TSPOAP1: variants seen among roughly 807,000 people sequenced by gnomAD.
The protein encoded by TSPOAP1 is peripheral-type benzodiazepine receptor-associated protein 1.
Under a neutral mutation model 197.0 loss-of-function variants are expected in TSPOAP1, and 87 were observed. That is an observed-to-expected ratio of 0.44 (90% confidence interval 0.37 to 0.53). The LOEUF (loss-of-function observed/expected upper bound fraction) is 0.53, where lower values mean the gene tolerates loss of function less well. TSPOAP1 is among the 20% of genes least tolerant of loss of function. TSPOAP1 has a pLI of 0.00. For missense variants in TSPOAP1, 2,174 were observed against 2,411.3 expected (o/e 0.90, Z 2.06); for synonymous variants, 913 against 998.9 (o/e 0.91, Z 1.62).
chr17:58,319,348 G>T, intron 12 of TSPOAP1, 54 bp from the exon 13 acceptor site: 1 of 1,516,258 alleles, frequency 6.6e-7, no homozygotes, highest in South Asian at 1.2e-5. Context: ...CCCAGTGCCA[G>T]CCCGTGCCAT....
chr17:58,308,075 G>A, intron 22 of TSPOAP1, 134 bp from the exon 23 acceptor site: 1 of 958,100 alleles, frequency 1.0e-6, no homozygotes, highest in Non-Finnish European at 1.5e-6. Flanking sequence ...CGGAGCCTCG[G>A]CCCAGCCTGC....
Position 58,308,891 on chromosome 17 carries a change from C to T in TSPOAP1, c.4381G>A (p.Gly1461Arg). The change falls in exon 22 of 32, where the codon GGA becomes AGA. Residue 1461 changes from glycine to arginine, a missense_variant. Around this residue, in one of 5 missense-constraint regions of TSPOAP1, gnomAD observed 1,933 missense variants for 2,139.0 expected, o/e 0.90. Transcript: ENST00000343736. Reference protein sequence around the residue: ...GLPVIEGPRTGLEASGRGRLG... With the variant: ...GLPVIEGPRTRLEASGRGRLG... Reference sequence around the variant, plus strand: ...CGGCCTCTCCCGCTAGCCTCTAGTCCAGTCCTGGGGCCCTCAATTACGGGG... The same window carrying T: ...CGGCCTCTCCCGCTAGCCTCTAGTCTAGTCCTGGGGCCCTCAATTACGGGG... 2 of 1,602,008 alleles carry T rather than the reference C, an allele frequency of 1.2e-6. No homozygotes were observed. The highest frequency in any genetic ancestry group is 1.7e-6 in the Non-Finnish European group (2 of 1,173,232).
chr17:58,322,386 C>T lies in TSPOAP1; in HGVS notation c.1344G>A (p.Arg448=), dbSNP rs1435208424. ...GTTCATGCTCCACCTCCAGCTGCTG[C>T]CGCCGCTGGGCCACCTCCCGCATGT... The part of the protein sequence containing the change: ...LKHMREVAQR[R]QQLEVEHEQA... Residue 448 remains arginine, a synonymous_variant, in exon 10 of 32, where the codon CGG becomes CGA. Coordinates refer to ENST00000343736, the MANE Select transcript of TSPOAP1 (RefSeq NM_004758.4). This position sits in a 1 kb window ranked among gnomAD's most constrained non-coding sequence, Gnocchi z 5.0. 6.2e-7 allele frequency: 1 copy of T among 1,606,470 alleles called. No individual in the cohort carries two copies.
Position 58,318,268 on chromosome 17 carries a change from C to T in TSPOAP1, c.1872+12G>A, listed in dbSNP as rs1195182390. 1.9e-6 allele frequency: 3 copies of T among 1,613,570 alleles called. No individual in the cohort carries two copies. The highest frequency in any genetic ancestry group is 2.2e-5 in the East Asian group (1 of 44,876). On this transcript the variant is annotated intron_variant, in intron 14 of 31. Coordinates refer to ENST00000343736, the MANE Select transcript of TSPOAP1 (RefSeq NM_004758.4). Reference sequence around the variant, plus strand: ...CCAAAGCCAGAACTTCAGGCCCCACCCCAGCAATTACCTCAGGTGTAGGGC... The same window carrying T: ...CCAAAGCCAGAACTTCAGGCCCCACTCCAGCAATTACCTCAGGTGTAGGGC...
Position 58,309,217 on chromosome 17 carries a change from C to A in TSPOAP1, c.4055G>T (p.Cys1352Phe). Residue 1352 changes from cysteine to phenylalanine, a missense_variant, in exon 22 of 32, where the codon TGT becomes TTT. Transcript: ENST00000343736. This position sits in a 1 kb window ranked among gnomAD's most constrained non-coding sequence, Gnocchi z 5.0. ...AGGCGGGCCAGGGTCTCGGGAAGAA[C>A]AGCCTGCCCCTGACTTCTCCTCCTC... is the stretch of plus-strand genomic sequence containing the variant. ...DEEEEKSGAGCSSRDPGPPEP... is the reference protein window; with the variant it reads ...DEEEEKSGAGFSSRDPGPPEP... 6.2e-7 allele frequency: 1 copy of A among 1,614,048 alleles called. No individual in the cohort carries two copies. The highest frequency in any genetic ancestry group is 8.5e-7 in the Non-Finnish European group (1 of 1,180,008).
chr17:58,312,796 A>C, intron 16 of TSPOAP1, 74 bp from the exon 17 acceptor site: 2 of 1,252,548 alleles, frequency 1.6e-6, no homozygotes, highest in Non-Finnish European at 2.2e-6. Context: ...GGTATAATAA[A>C]TGCATTTTAG....
chr17:58,316,591 G>C (rs374088467), intron 14 of TSPOAP1, 51 bp from the exon 15 acceptor site: 1 of 1,465,176 alleles, frequency 6.8e-7, no homozygotes, highest in Non-Finnish European at 9.3e-7. Flanking sequence ...GGGGCCAAGC[G>C]CCAAGCAGGC....
In TSPOAP1 at chr17:58,328,328, AG is replaced by A; in HGVS notation, c.-409del. 4.2e-6 allele frequency: 1 copy of A among 237,316 alleles called. No individual in the cohort carries two copies. Among genetic ancestry groups the A allele is most frequent in the Non-Finnish European group, 8.5e-6 (1 of 118,090 alleles). 14.7% of individuals were successfully genotyped at this position (237,316 alleles called of 1,614,324 possible). On this transcript the variant is annotated 5_prime_UTR_variant, in exon 1 of 32. Coordinates refer to ENST00000343736, the MANE Select transcript of TSPOAP1 (RefSeq NM_004758.4). This position sits in a 1 kb window ranked among gnomAD's most constrained non-coding sequence, Gnocchi z 4.3. ...TGGGTGCCCCCACTTCTGTGTGTTG[AG>A]GGGGGTGGTGCTGTGTGTCACTGTC...
intron 31 of TSPOAP1, chr17:58,303,900 G>T (rs570928998): frequency 8.3e-5 from 13 of 157,206 alleles, no homozygotes; most frequent in Admixed American, 6.3e-5. Flanking sequence ...CAATGCAGAG[G>T]ACAAGGGTGG....
Position 58,322,881 on chromosome 17 carries a change from G to T in TSPOAP1, c.1194+69C>A. On this transcript the variant is annotated intron_variant, in intron 8 of 31. Coordinates refer to ENST00000343736, the MANE Select transcript of TSPOAP1 (RefSeq NM_004758.4). The surrounding 1 kb of genome is among the most constrained non-coding windows in gnomAD (Gnocchi z 5.0). Reference sequence around the variant, plus strand: ...CCCCTGCTCAGGGGTGGAGGAGAAAGCCCCTTGGCTGGGGACCGGGGCAGT... The same window carrying T: ...CCCCTGCTCAGGGGTGGAGGAGAAATCCCCTTGGCTGGGGACCGGGGCAGT... The T allele has an allele frequency of 6.2e-7, 1 of 1,603,072 alleles. No homozygotes were observed. The highest frequency in any genetic ancestry group is 8.5e-7 in the Non-Finnish European group (1 of 1,173,470).
rs1179702404 is a variant in TSPOAP1, at chr17:58,312,005, G to A, written c.2816C>T (p.Thr939Ile). 3.1e-6 allele frequency: 5 copies of A among 1,613,328 alleles called. No homozygotes were observed. In the Admixed American group the frequency reaches 8.3e-5, roughly 27 times the overall value. Reference protein sequence around the residue: ...WATFCHLRPGTPYQAQVEAQL... With the variant: ...WATFCHLRPGIPYQAQVEAQL... ...AGCCTCCACTTGGGCCTGATAGGGT[G>A]TGCCAGGCCGTAAGTGGCAGAAGGT... The change falls in exon 17 of 32, where the codon ACA becomes ATA. Residue 939 changes from threonine to isoleucine, a missense_variant. Transcript: ENST00000343736.
At chr17:58,311,372 C>A in intron 18 of TSPOAP1, 159 bp from the exon 19 acceptor site, 1 of 1,263,410 alleles carries the variant, frequency 7.9e-7, no homozygotes, top group Non-Finnish European at 1.1e-6. Flanking sequence ...TTTCATCCTC[C>A]TGGCCATATG....
intron 7 of TSPOAP1, 101 bp from the exon 8 acceptor site, chr17:58,323,140 C>T (rs952706052): frequency 6.8e-7 from 1 of 1,464,384 alleles, no homozygotes; most frequent in African/African-American, 1.4e-5. Flanking sequence ...GCCTTCCTCC[C>T]CTGCTGGAAC....
rs1264146845 is a variant in TSPOAP1, at chr17:58,308,737, C to T, written c.4535G>A (p.Gly1512Glu). 6.2e-7 allele frequency: 1 copy of T among 1,612,914 alleles called. No individual in the cohort carries two copies. The highest frequency in any genetic ancestry group is 1.3e-5 in the African/African-American group (1 of 74,946). Reference sequence around the variant, plus strand: ...GCAGGAGCTGGTGATGCTGATGCCCCCGCTGCCCGCCTCCTGCTCATCCTC... The same window carrying T: ...GCAGGAGCTGGTGATGCTGATGCCCTCGCTGCCCGCCTCCTGCTCATCCTC... ...DSEDEQEAGS[G>E]GISITSSCYP... Residue 1512 changes from glycine to glutamate, a missense_variant, in exon 22 of 32, where the codon GGG becomes GAG. Physicochemically the swap from Gly to Glu is moderately conservative, Grantham distance 98. Coordinates refer to ENST00000343736, the MANE Select transcript of TSPOAP1 (RefSeq NM_004758.4).
chr17:58,316,171 C>T, intron 15 of TSPOAP1, 39 bp from the exon 16 acceptor site: 4 of 1,441,594 alleles, frequency 2.8e-6, no homozygotes, highest in Non-Finnish European at 3.9e-6. Flanking sequence ...GGAGAGTGAC[C>T]TACACTCCAC....
At position 58,307,715 on chromosome 17, in the gene TSPOAP1, C is replaced by T. The variant is rs199511069; in HGVS notation, c.4879G>A (p.Val1627Ile). Residue 1627 changes from valine to isoleucine, a missense_variant, in exon 24 of 32, where the codon GTC becomes ATC. Coordinates refer to ENST00000343736, the MANE Select transcript of TSPOAP1 (RefSeq NM_004758.4). ...TCAAACAGAGCCACAAAGATCCTGA[C>T]GGGTAGGTGCTGGTAAGCCAGTGTT... is the stretch of plus-strand genomic sequence containing the variant. ...SETLAYQHLPVRIFVALFDYD... is the reference protein window; with the variant it reads ...SETLAYQHLPIRIFVALFDYD... 59 of 1,614,182 alleles carry T rather than the reference C, an allele frequency of 3.7e-5. No homozygotes were observed. Among genetic ancestry groups the T allele is most frequent in the South Asian group, 9.9e-5 (9 of 91,084 alleles).
In TSPOAP1 at chr17:58,308,990, A is replaced by G; in HGVS notation, c.4282T>C (p.Cys1428Arg). ...RRRPPDPREH[C>R]SRLLSNNGPQ... ...CCATTGTTGCTGAGAAGTCGGCTGC[A>G]GTGTTCTCGGGGATCTGGAGGCCGC... Residue 1428 changes from cysteine to arginine, a missense_variant, in exon 22 of 32, where the codon TGC (cysteine) becomes CGC (arginine). Coordinates refer to ENST00000343736, the MANE Select transcript of TSPOAP1 (RefSeq NM_004758.4). 1 of 1,611,850 alleles carries G rather than the reference A, an allele frequency of 6.2e-7. No homozygotes were observed. Among genetic ancestry groups the G allele is most frequent in the South Asian group, 1.1e-5 (1 of 91,016 alleles).
In TSPOAP1 at chr17:58,312,675, C is replaced by T. The variant is rs1163506922; in HGVS notation, c.2146G>A (p.Glu716Lys). ...AGGAGGTCATCATCCGACACACGCT[C>T]TACAAAATTGGAAGGGACCAGGCCC... ...RRGLVPSNFV[E>K]RVSDDDLLTS... The change falls in exon 17 of 32, where the codon GAG (glutamate) becomes AAG (lysine). Residue 716 changes from glutamate to lysine, a missense_variant. By Grantham distance (56) the Glu-to-Lys change is moderately conservative. Around this residue, in one of 5 missense-constraint regions of TSPOAP1, gnomAD observed 1,933 missense variants for 2,139.0 expected, o/e 0.90. Coordinates refer to ENST00000343736, the MANE Select transcript of TSPOAP1 (RefSeq NM_004758.4). 2.5e-6 allele frequency: 4 copies of T among 1,613,700 alleles called. No homozygotes were observed. The highest frequency in any genetic ancestry group is 3.4e-6 in the Non-Finnish European group (4 of 1,180,030).
In TSPOAP1 at chr17:58,324,864, C is replaced by A; in HGVS notation, c.889G>T (p.Gly297Cys). 6.5e-7 allele frequency: 1 copy of A among 1,529,970 alleles called. No homozygotes were observed. The allele number at this position is 1,529,970 out of a possible 1,614,324, so 94.8% of individuals were successfully genotyped here. A position where few individuals can be genotyped will look rare whatever the true frequency, so the allele number is the denominator to read the frequency against. Residue 297 changes from glycine to cysteine, a missense_variant, in exon 5 of 32, where the codon GGC (glycine) becomes TGC (cysteine). Physicochemically the swap from Gly to Cys is radical, Grantham distance 159. Transcript: ENST00000343736. The surrounding 1 kb of genome is among the most constrained non-coding windows in gnomAD (Gnocchi z 5.8). Reference sequence around the variant, plus strand: ...CCTGCTCTGGCCTGGAGAGCAGGGCCCGGGGGCCAGGACGGCGGGAGCGGG... The same window carrying A: ...CCTGCTCTGGCCTGGAGAGCAGGGCACGGGGGCCAGGACGGCGGGAGCGGG... ...TLPLPPSWPP[G>C]PALQARAGAP...
Sources: gnomAD v4.1 joint callset for allele counts on GRCh38, gnomAD v4.1.1 for gene constraint, gnomAD v4.1.1 regional missense constraint, Gnocchi (gnomAD v3.1) non-coding constraint, MANE v1.5 for transcripts, NCBI Gene and HGNC (gene_info 2026-07-23, HGNC 2026-07-21) for gene names.